RANBP2: variants seen among roughly 807,000 people sequenced by gnomAD.
RANBP2 encodes RAN binding protein 2.
In RANBP2, 57 loss-of-function variants were observed where a neutral mutation model predicts 303.6. The ratio of observed to expected loss-of-function variants is 0.19; its 90% CI spans 0.15 to 0.23. RANBP2 has a LOEUF of 0.23. Ranked by LOEUF, RANBP2 falls within the 10% of genes least tolerant of loss-of-function variation. The pLI is 1.00. For missense variants in RANBP2, 3,138 were observed against 3,780.8 expected (o/e 0.83, Z 4.46); for synonymous variants, 1,167 against 1,301.5 (o/e 0.90, Z 2.23).
chr2:109,465,493 T>C, the RANBP2 span, among the ~76,000 whole-genome samples: 1 of 152,232 alleles, frequency 6.6e-6, no homozygotes, highest in Non-Finnish European at 1.5e-5. Context: ...CAGCATTCAG[T>C]GTTGTCACTG....
chr2:108,840,487 T>C, the RANBP2 span, among the ~76,000 whole-genome samples: 1 of 152,186 alleles, frequency 6.6e-6, no homozygotes, highest in South Asian at 2.1e-4. Flanking sequence ...TTTTAAATTA[T>C]GAATTTAAGT....
intron 4 of RANBP2, among the ~76,000 whole-genome samples, chr2:108,734,674 A>G (rs1695428756): frequency 6.6e-6 from 1 of 151,936 alleles, no homozygotes; most frequent in Non-Finnish European, 1.5e-5. Context: ...GGAGAAGTAT[A>G]TTTCTGAAAG....
the RANBP2 span, among the ~76,000 whole-genome samples, chr2:109,304,076 G>C: frequency 6.6e-6 from 1 of 151,518 alleles, no homozygotes; most frequent in Admixed American, 6.6e-5. Flanking sequence ...ACTCCAGCCT[G>C]GGCAACAGGA....
At chr2:109,340,689 T>A in the RANBP2 span, among the ~76,000 whole-genome samples, 1 of 152,190 alleles carries the variant, frequency 6.6e-6, no homozygotes, top group Non-Finnish European at 1.5e-5. Flanking sequence ...TCCTTTTTCA[T>A]TAAGAGACAC....
At chr2:109,625,437 G>A in the RANBP2 span, among the ~76,000 whole-genome samples, 4 of 150,966 alleles carry the variant, frequency 2.6e-5, no homozygotes, top group African/African-American at 4.9e-5. Context: ...GGCGGATCGC[G>A]AGGTCAGGAG....
chr2:109,038,750 T>C, the RANBP2 span, among the ~76,000 whole-genome samples: 2 of 152,238 alleles, frequency 1.3e-5, no homozygotes, highest in Admixed American at 6.5e-5. Flanking sequence ...AAGACAATCC[T>C]TAACTGATTT....
the RANBP2 span, among the ~76,000 whole-genome samples, chr2:109,686,882 C>T: frequency 2.0e-5 from 3 of 152,230 alleles, no homozygotes; most frequent in East Asian, 5.8e-4. Flanking sequence ...GAATTACAGG[C>T]ATGAGCCACT....
At chr2:109,279,961 C>T in the RANBP2 span, among the ~76,000 whole-genome samples, 1 of 151,974 alleles carries the variant, frequency 6.6e-6, no homozygotes, top group Admixed American at 6.6e-5. Context: ...TGAGAGGGCC[C>T]CAAAAACACA....
At chr2:108,789,722 G>T (rs866981439), downstream of RANBP2, among the ~76,000 whole-genome samples, 1 of 152,186 alleles carries the variant, frequency 6.6e-6, no homozygotes, top group Non-Finnish European at 1.5e-5. Flanking sequence ...GAAGAAGGTG[G>T]TCTGGGGAGA....
chr2:109,078,100 A>ATATATAGCGTG, the RANBP2 span, among the ~76,000 whole-genome samples: 30 of 70,004 alleles, frequency 4.3e-4, 1 homozygote, highest in East Asian at 1.3e-3. Context: ...ATATATATAT[A>ATATATAGCGTG]TATATATATA....
At chr2:109,646,960 A>C in the RANBP2 span, among the ~76,000 whole-genome samples, 21 of 152,262 alleles carry the variant, frequency 1.4e-4, no homozygotes, top group Non-Finnish European at 2.2e-4. Context: ...TCAAATTTTC[A>C]GTATTTTTTC....
the RANBP2 span, among the ~76,000 whole-genome samples, chr2:109,032,330 G>C: frequency 1.3e-5 from 2 of 152,084 alleles, no homozygotes; most frequent in Admixed American, 6.5e-5. Flanking sequence ...TGTTTTGCAG[G>C]AAGGTGAAAT....
At chr2:108,935,799 C>T in the RANBP2 span, among the ~76,000 whole-genome samples, 1 of 152,200 alleles carries the variant, frequency 6.6e-6, no homozygotes, top group African/African-American at 2.4e-5. Context: ...GGTCCCTGCT[C>T]TATTGGGCCT....
At chr2:109,129,715 G>GT in the RANBP2 span, 1 of 1,537,184 alleles carries the variant, frequency 6.5e-7, no homozygotes, top group Middle Eastern at 1.8e-4. Context: ...GGAGTGCTCC[G>GT]TGTGTCTGGA....
chr2:109,017,499 C>A, the RANBP2 span, among the ~76,000 whole-genome samples: 1 of 152,216 alleles, frequency 6.6e-6, no homozygotes, highest in Admixed American at 6.5e-5. Context: ...TGGCCTCATC[C>A]ACTTCCAGCC....
chr2:108,865,399 A>T, the RANBP2 span, among the ~76,000 whole-genome samples: 1 of 152,136 alleles, frequency 6.6e-6, no homozygotes, highest in African/African-American at 2.4e-5. Flanking sequence ...TTTCATTAGG[A>T]TCAGTTTCTA....
the RANBP2 span, among the ~76,000 whole-genome samples, chr2:109,634,455 T>A: frequency 6.6e-6 from 1 of 152,218 alleles, no homozygotes; most frequent in Non-Finnish European, 1.5e-5. Flanking sequence ...GAATGAGAGC[T>A]TCAGAGCATG....
the RANBP2 span, among the ~76,000 whole-genome samples, chr2:108,913,630 T>A: frequency 3.9e-5 from 6 of 152,010 alleles, no homozygotes; most frequent in Non-Finnish European, 8.8e-5. Context: ...ATATAAATAT[T>A]GTTGTGGGAA....
At chr2:108,790,109 C>T (rs10187902), downstream of RANBP2, among the ~76,000 whole-genome samples, 6,501 of 151,980 alleles carry the variant, frequency 0.043, 463 homozygotes, top group African/African-American at 0.14. Context: ...ACACTTTGAA[C>T]AGTTCTGGGT....
Sources: allele counts gnomAD v4.1 joint callset (sites outside exome capture counted in the v4.1 genomes callset), GRCh38; gene constraint gnomAD v4.1.1; transcripts MANE v1.5; gene names NCBI Gene and HGNC (gene_info 2026-07-23, HGNC 2026-07-21).